The following KLHL13 variants were observed in gnomAD, a reference collection of about 807,000 sequenced individuals.
The protein encoded by KLHL13 is kelch-like protein 13.
Under a neutral mutation model 37.1 loss-of-function variants are expected in KLHL13, and 10 were observed. The observed-to-expected ratio is 0.27, with a 90% confidence interval of 0.17 to 0.46. KLHL13 has a LOEUF of 0.46. Ranked by LOEUF, KLHL13 falls within the 20% of genes least tolerant of loss-of-function variation. KLHL13 has a pLI of 1.00. For missense variants in KLHL13, 360 were observed against 509.3 expected (o/e 0.71, Z 2.82); for synonymous variants, 163 against 181.2 (o/e 0.90, Z 0.81).
chrX:118,045,357 G>A (rs1165979792), intron 1 of KLHL13, among the ~76,000 whole-genome samples: 1 of 79,533 alleles, frequency 1.3e-5, no homozygotes, highest in Non-Finnish European at 2.3e-5. Context: ...CTAGGCGACA[G>A]AGCAAGACTC....
chrX:118,100,514 C>T (rs906618930), intron 1 of KLHL13, among the ~76,000 whole-genome samples: 3 of 111,216 alleles, frequency 2.7e-5, no homozygotes, highest in African/African-American at 3.3e-5. Flanking sequence ...TGAGCAAAAA[C>T]GAGAACCCAT....
intron 1 of KLHL13, among the ~76,000 whole-genome samples, chrX:118,094,238 C>T (rs985740338): frequency 3.6e-5 from 4 of 110,763 alleles, no homozygotes; most frequent in African/African-American, 6.6e-5. Context: ...AAATATGTGA[C>T]GAATGCACAA....
At chrX:118,052,153 A>G (rs867753495) in intron 1 of KLHL13, among the ~76,000 whole-genome samples, 4 of 111,273 alleles carry the variant, frequency 3.6e-5, no homozygotes, top group Middle Eastern at 4.6e-3. Flanking sequence ...TGGGGAGAGG[A>G]GATTAAAATC....
chrX:117,951,220 T>G (rs927094541), intron 1 of KLHL13, among the ~76,000 whole-genome samples: 10 of 111,393 alleles, frequency 9.0e-5, no homozygotes, highest in Non-Finnish European at 1.9e-4. Context: ...TGAAGTAAAC[T>G]AATGTATATA....
intron 2 of KLHL13, among the ~76,000 whole-genome samples, chrX:117,928,391 G>A (rs989593156): frequency 9.0e-6 from 1 of 111,644 alleles, no homozygotes; most frequent in Admixed American, 9.5e-5. Context: ...CCGAAGAACA[G>A]TAGGATGCAA....
At chrX:118,093,942 G>A (rs749562686) in intron 1 of KLHL13, among the ~76,000 whole-genome samples, 23 of 109,649 alleles carry the variant, frequency 2.1e-4, no homozygotes, top group African/African-American at 7.6e-4. Flanking sequence ...AGCTCCCAAC[G>A]TGAGCGACAC....
chrX:118,001,839 C>T (rs1376492857), intron 1 of KLHL13, among the ~76,000 whole-genome samples: 2 of 102,257 alleles, frequency 2.0e-5, no homozygotes, highest in African/African-American at 7.4e-5. Context: ...TGCCACTGCA[C>T]TCCAACCTGG....
intron 1 of KLHL13, among the ~76,000 whole-genome samples, chrX:117,967,053 G>C (rs1366339830): frequency 9.0e-6 from 1 of 111,633 alleles, no homozygotes; most frequent in Non-Finnish European, 1.9e-5. Flanking sequence ...AGACAAAATT[G>C]ACAAATGGGA....
intron 1 of KLHL13, among the ~76,000 whole-genome samples, chrX:118,068,634 C>G (rs1212729623): frequency 1.8e-5 from 2 of 111,186 alleles, no homozygotes; most frequent in African/African-American, 6.6e-5. Context: ...GCTGAGGGAG[C>G]TGCCTAGAGA....
intron 1 of KLHL13, among the ~76,000 whole-genome samples, chrX:118,075,866 G>A (rs1266288706): frequency 9.0e-6 from 1 of 111,682 alleles, no homozygotes; most frequent in Non-Finnish European, 1.9e-5. Context: ...TTCATTATTT[G>A]CTCACTAGTG....
chrX:118,097,934 T>C (rs1430400976), intron 1 of KLHL13, among the ~76,000 whole-genome samples: 1 of 111,617 alleles, frequency 9.0e-6, no homozygotes, highest in East Asian at 2.8e-4. Flanking sequence ...TAATTCAAGA[T>C]GGATTAAAGA....
intron 1 of KLHL13, among the ~76,000 whole-genome samples, chrX:118,070,702 C>G (rs2054849547): frequency 1.8e-5 from 2 of 108,629 alleles, no homozygotes; most frequent in Admixed American, 2.0e-4. Context: ...TTTTCCACTC[C>G]AATTGGTAGA....
chrX:118,014,669 C>A (rs2054107738), intron 1 of KLHL13, among the ~76,000 whole-genome samples: 1 of 112,488 alleles, frequency 8.9e-6, no homozygotes, highest in Non-Finnish European at 1.9e-5. Flanking sequence ...CGATATGTGA[C>A]TTCGCCTCCA....
intron 2 of KLHL13, among the ~76,000 whole-genome samples, chrX:117,936,911 C>A (rs1602568850): frequency 8.9e-6 from 1 of 111,936 alleles, no homozygotes; most frequent in East Asian, 2.8e-4. Flanking sequence ...AAAAGCTGGG[C>A]CAGAGAGTAT....
chrX:118,078,445 A>G (rs6646067), intron 1 of KLHL13, among the ~76,000 whole-genome samples: 1,939 of 111,216 alleles, frequency 0.017, 44 homozygotes, highest in African/African-American at 0.058. Context: ...AGCAAGCACT[A>G]ACTTGTTTTC....
chrX:117,962,041 A>AAATAATAATAATAATAATAATAATAAT (rs778789872), intron 1 of KLHL13, among the ~76,000 whole-genome samples: 1,879 of 102,294 alleles, frequency 0.018, 66 homozygotes, highest in African/African-American at 0.068. Flanking sequence ...TCATCTCTAC[A>AAATAATAATAATAATAATAATAATAAT]AATAATAATA....
chrX:117,944,355 A>G (rs886459921), intron 2 of KLHL13, among the ~76,000 whole-genome samples: 3 of 111,524 alleles, frequency 2.7e-5, no homozygotes, highest in African/African-American at 6.5e-5. Flanking sequence ...CCCAGCTCCA[A>G]TTAGAAACGG....
At chrX:117,945,345 C>A in intron 2 of KLHL13, 89 bp downstream of exon 3, 2 of 938,446 alleles carry the variant, frequency 2.1e-6, no homozygotes, top group South Asian at 5.2e-5. Flanking sequence ...CACCCACAAC[C>A]TCCTCCACTA....
chrX:118,112,272 T>A (rs2055420077), intron 1 of KLHL13, among the ~76,000 whole-genome samples: 1 of 112,456 alleles, frequency 8.9e-6, no homozygotes, highest in Admixed American at 9.4e-5. Flanking sequence ...ATAAAGTGCA[T>A]ACCATGTGCT....
Sources: gnomAD v4.1 joint callset for allele counts (sites outside exome capture counted in the v4.1 genomes callset) on GRCh38, gnomAD v4.1.1 for gene constraint, MANE v1.5 for transcripts, NCBI Gene and HGNC (gene_info 2026-07-23, HGNC 2026-07-21) for gene names.